The following PTPRE variants were observed in gnomAD, a reference collection of about 807,000 sequenced individuals.
PTPRE encodes the protein protein tyrosine phosphatase receptor type E.
Under a neutral mutation model 102.0 loss-of-function variants are expected in PTPRE, and 51 were observed. That is an observed-to-expected ratio of 0.50 (90% CI 0.40 to 0.63). PTPRE has a LOEUF of 0.63. Ranked by LOEUF, PTPRE falls within the 30% of genes least tolerant of loss-of-function variation. The probability of loss-of-function intolerance (pLI) is 0.00; values close to 1 mark genes in which losing one functional copy is unlikely to be tolerated. For synonymous variants in PTPRE, 345 were observed against 348.2 expected (o/e 0.99, Z 0.10); for missense variants, 752 against 915.1 (o/e 0.82, Z 2.30).
In PTPRE at chr10:128,083,859, T is replaced by G. The variant is rs1851908088; in HGVS notation, c.*953T>G. ...CAGTACAGAGGAGCACACATTAGGA[T>G]AGAAACAGTAGAATAACCACGGGCA... On this transcript the variant is annotated 3_prime_UTR_variant, in exon 21 of 21. Transcript: ENST00000254667. 1 of 152,198 alleles carries G rather than the reference T, an allele frequency of 6.6e-6. No homozygotes were observed. The highest frequency in any genetic ancestry group is 1.5e-5 in the Non-Finnish European group (1 of 68,032). 9.4% of individuals were successfully genotyped at this position (152,198 alleles called of 1,614,324 possible). A position where few individuals can be genotyped will look rare whatever the true frequency, so the allele number is the denominator to read the frequency against.
At chr10:128,002,290 A>G (rs1327409329) in intron 2 of PTPRE, among the ~76,000 whole-genome samples, 2 of 152,200 alleles carry the variant, frequency 1.3e-5, no homozygotes, top group South Asian at 2.1e-4. Flanking sequence ...TCGAGGGGGA[A>G]CAAGGCCATC....
intron 2 of PTPRE, among the ~76,000 whole-genome samples, chr10:128,039,525 T>C (rs1056605633): frequency 2.6e-4 from 39 of 152,338 alleles, no homozygotes; most frequent in African/African-American, 8.9e-4. Context: ...CCATCGTCGT[T>C]GTTCTGGGCT....
rs947139938 is a variant in PTPRE at position 128,083,873 on chromosome 10, T to A, written c.*967T>A. The A allele has an allele frequency of 1.3e-5, 2 of 152,230 alleles. No individual in the cohort carries two copies. The highest frequency in any genetic ancestry group is 4.8e-5 in the African/African-American group (2 of 41,458). 9.4% of individuals were successfully genotyped at this position (152,230 alleles called of 1,614,324 possible). On this transcript the variant is annotated 3_prime_UTR_variant, in exon 21 of 21. Coordinates refer to ENST00000254667, the MANE Select transcript of PTPRE (RefSeq NM_006504.6). ...ACACATTAGGATAGAAACAGTAGAA[T>A]AACCACGGGCAATTAAACTTTAAAT...
intron 1 of PTPRE, among the ~76,000 whole-genome samples, chr10:127,969,392 G>C (rs1030720355): frequency 6.6e-6 from 1 of 152,206 alleles, no homozygotes; most frequent in East Asian, 1.9e-4. Context: ...GATGGGCCAG[G>C]TGTGACAGCT....
chr10:127,957,714 T>C (rs1849507534), intron 1 of PTPRE, among the ~76,000 whole-genome samples: 1 of 152,238 alleles, frequency 6.6e-6, no homozygotes, highest in Admixed American at 6.5e-5. Flanking sequence ...AACTTTAGTA[T>C]CAGTTTGTTG....
intron 16 of PTPRE, 85 bp downstream of exon 16, chr10:128,072,299 G>A (rs1041666532): frequency 1.7e-6 from 2 of 1,187,068 alleles, no homozygotes; most frequent in Middle Eastern, 2.0e-4. Flanking sequence ...TTTTCACAAT[G>A]AGAAAGAATT....
At chr10:127,962,949 A>T (rs1849942819) in intron 1 of PTPRE, among the ~76,000 whole-genome samples, 1 of 152,108 alleles carries the variant, frequency 6.6e-6, no homozygotes, top group African/African-American at 2.4e-5. Context: ...GGGGCTCTGG[A>T]GGTCCCAAGT....
chr10:128,031,001 G>A (rs557308420), intron 2 of PTPRE, among the ~76,000 whole-genome samples: 1 of 152,344 alleles, frequency 6.6e-6, no homozygotes, highest in South Asian at 2.1e-4. Context: ...TGGCTGAATC[G>A]CAAGCTTTGG....
intron 2 of PTPRE, chr10:127,999,545 C>G: frequency 2.0e-6 from 2 of 985,446 alleles, no homozygotes; most frequent in Non-Finnish European, 2.4e-6. Context: ...TCTGCTTACC[C>G]AGCTGGGACT....
intron 2 of PTPRE, among the ~76,000 whole-genome samples, chr10:127,984,248 A>C (rs1456792496): frequency 6.6e-6 from 1 of 151,442 alleles, no homozygotes; most frequent in Non-Finnish European, 1.5e-5. Flanking sequence ...TGTCTGGCTA[A>C]TTTTGTATTT....
At chr10:127,986,963 A>G (rs929454608) in intron 2 of PTPRE, among the ~76,000 whole-genome samples, 4 of 152,230 alleles carry the variant, frequency 2.6e-5, no homozygotes, top group African/African-American at 4.8e-5. Flanking sequence ...ATGAGCACCA[A>G]TGGATTCCAC....
At chr10:127,971,743 A>G (rs1199225476) in intron 1 of PTPRE, among the ~76,000 whole-genome samples, 1 of 152,176 alleles carries the variant, frequency 6.6e-6, no homozygotes, top group Non-Finnish European at 1.5e-5. Context: ...CTCTAGAAGA[A>G]GACTCTTAAC....
intron 1 of PTPRE, among the ~76,000 whole-genome samples, chr10:127,963,866 G>C (rs1308340018): frequency 2.0e-5 from 3 of 152,212 alleles, no homozygotes; most frequent in Non-Finnish European, 4.4e-5. Flanking sequence ...AGTCCGCAGT[G>C]GGCCAAGGCA....
At chr10:128,009,801 C>A (rs144406978) in intron 2 of PTPRE, among the ~76,000 whole-genome samples, 157 of 152,314 alleles carry the variant, frequency 1.0e-3, no homozygotes, top group South Asian at 7.1e-3. Context: ...ATTTATTTAG[C>A]ACATAATTGT....
intron 1 of PTPRE, among the ~76,000 whole-genome samples, chr10:127,945,738 T>A (rs1296280823): frequency 6.6e-6 from 1 of 152,128 alleles, no homozygotes; most frequent in Non-Finnish European, 1.5e-5. Flanking sequence ...CTCAGTGATA[T>A]GTTTTCCTCC....
chr10:128,039,021 G>A (rs1453348136), intron 2 of PTPRE, among the ~76,000 whole-genome samples: 1 of 152,232 alleles, frequency 6.6e-6, no homozygotes, highest in Non-Finnish European at 1.5e-5. Context: ...AGCATTTGGA[G>A]AGGAGGGTTA....
intron 2 of PTPRE, among the ~76,000 whole-genome samples, chr10:127,991,638 G>A (rs563008884): frequency 6.6e-6 from 1 of 152,254 alleles, no homozygotes; most frequent in African/African-American, 2.4e-5. Context: ...ATTTTCTGGG[G>A]GTAATACAAA....
intron 1 of PTPRE, among the ~76,000 whole-genome samples, chr10:127,968,208 C>G (rs1320790000): frequency 6.6e-6 from 1 of 152,124 alleles, no homozygotes; most frequent in African/African-American, 2.4e-5. Context: ...TAATTTGGTT[C>G]CTATGTTGTT....
intron 6 of PTPRE, 38 bp downstream of exon 6, chr10:128,049,704 G>A: frequency 6.2e-7 from 1 of 1,612,282 alleles, no homozygotes; most frequent in Non-Finnish European, 8.5e-7. Context: ...GTGCCCTGTG[G>A]TGGAGACCTG....
Sources: allele counts gnomAD v4.1 joint callset (sites outside exome capture counted in the v4.1 genomes callset), GRCh38; gene constraint gnomAD v4.1.1; transcripts MANE v1.5; gene names NCBI Gene and HGNC (gene_info 2026-07-23, HGNC 2026-07-21).